FXR1: variants seen among roughly 807,000 people sequenced by gnomAD.
The protein encoded by FXR1 is RNA-binding protein FXR1.
A neutral mutation model predicts 84.0 loss-of-function variants in FXR1; 15 were observed. That is an observed-to-expected ratio of 0.18 (90% confidence interval 0.12 to 0.27). The LOEUF is 0.27. Ranked by LOEUF, FXR1 falls within the 10% of genes least tolerant of loss-of-function variation. FXR1 has a pLI of 1.00. For missense variants in FXR1, 480 were observed against 774.4 expected (o/e 0.62, Z 4.51); for synonymous variants, 245 against 250.7 (o/e 0.98, Z 0.21).
chr3:180,977,296 C>CA lies in FXR1; in HGVS notation c.*1005dup, dbSNP rs1714332480. 2 of 152,252 alleles carry CA rather than the reference C, an allele frequency of 1.3e-5. No homozygotes were observed. The highest frequency in any genetic ancestry group is 2.9e-5 in the Non-Finnish European group (2 of 67,936). The allele number at this position is 152,252 out of a possible 1,614,324, so 9.4% of individuals were successfully genotyped here. On this transcript the variant is annotated 3_prime_UTR_variant, in exon 17 of 17. Coordinates refer to ENST00000357559, the MANE Select transcript of FXR1 (RefSeq NM_005087.4). ...AAATAGCATTAAAATGTCAGTTGGC[C>CA]ATTTAATCATTTTGTAATGAATCAT...
chr3:180,946,254 A>G (rs9879060), intron 3 of FXR1, among the ~76,000 whole-genome samples: 36,342 of 152,154 alleles, frequency 0.24, 4,538 homozygotes, highest in African/African-American at 0.31. Context: ...TCACTGTTGT[A>G]TCCTCTAGGT....
rs1332514108 is a variant in FXR1 at position 180,982,185 on chromosome 3, A to G, written c.*5893A>G. 1.3e-5 allele frequency: 2 copies of G among 152,106 alleles called. No individual in the cohort carries two copies. Among genetic ancestry groups the G allele is most frequent in the South Asian group, 2.1e-4 (1 of 4,834 alleles). The allele number at this position is 152,106 out of a possible 1,614,324, so 9.4% of individuals were successfully genotyped here. A position where few individuals can be genotyped will look rare whatever the true frequency, so the allele number is the denominator to read the frequency against. On this transcript the variant is annotated 3_prime_UTR_variant, in exon 17 of 17. Coordinates refer to ENST00000357559, the MANE Select transcript of FXR1 (RefSeq NM_005087.4). ...TTTCCTCACATGTAAAATGTACATC[A>G]TAATAACTAGTCTACTGAGATAAGG...
intron 1 of FXR1, chr3:180,915,696 C>G (rs977047999): frequency 2.9e-6 from 2 of 699,252 alleles, no homozygotes; most frequent in Non-Finnish European, 2.6e-6. Flanking sequence ...CACATTTGGC[C>G]GTAAGTGTGA....
At chr3:180,950,999 G>C (rs1206653150) in intron 7 of FXR1, among the ~76,000 whole-genome samples, 1 of 151,888 alleles carries the variant, frequency 6.6e-6, no homozygotes, top group Non-Finnish European at 1.5e-5. Context: ...GATTGCTTTA[G>C]CCCAAAAGTT....
chr3:180,934,536 G>T (rs1437407404), intron 2 of FXR1, among the ~76,000 whole-genome samples: 1 of 152,072 alleles, frequency 6.6e-6, no homozygotes, highest in Admixed American at 6.6e-5. Context: ...CTTTTTCTAG[G>T]TTCTAATTAT....
intron 1 of FXR1, among the ~76,000 whole-genome samples, chr3:180,913,198 G>T (rs1717450151): frequency 6.6e-6 from 1 of 152,206 alleles, no homozygotes; most frequent in South Asian, 2.1e-4. Context: ...CCTTGGGGCG[G>T]GTGTATCGCG....
chr3:180,962,863 CTT>C lies in FXR1; in HGVS notation c.1078-15_1078-14del. 1 of 1,546,530 alleles carries C rather than the reference CTT, an allele frequency of 6.5e-7. No individual in the cohort carries two copies. The highest frequency in any genetic ancestry group is 8.9e-7 in the Non-Finnish European group (1 of 1,121,886). On this transcript the variant is annotated intron_variant, in intron 11 of 16. Transcript: ENST00000357559. Reference sequence around the variant, plus strand: ...AAAGTTATATATAAGAAGACTTACTCTTTTTTGTTTTGATTGTAGGAAGTAGA... The same window carrying C: ...AAAGTTATATATAAGAAGACTTACTCTTTTGTTTTGATTGTAGGAAGTAGA...
chr3:180,926,480 A>G (rs1298416525), intron 1 of FXR1, among the ~76,000 whole-genome samples: 21 of 35,010 alleles, frequency 6.0e-4, no homozygotes, highest in African/African-American at 2.3e-3. Flanking sequence ...ATTGTACTGT[A>G]TATATATATA....
intron 3 of FXR1, among the ~76,000 whole-genome samples, chr3:180,939,052 G>T (rs1044854678): frequency 2.0e-5 from 3 of 151,850 alleles, no homozygotes; most frequent in African/African-American, 7.3e-5. Flanking sequence ...GAGCCACAAT[G>T]CCCAGCTAAT....
chr3:180,923,406 C>T (rs1718804740), intron 1 of FXR1, among the ~76,000 whole-genome samples: 1 of 152,142 alleles, frequency 6.6e-6, no homozygotes, highest in South Asian at 2.1e-4. Context: ...ATCTTATTTT[C>T]CTTACATTAC....
intron 10 of FXR1, 98 bp from the exon 11 acceptor site, chr3:180,961,362 AAAAAAGGT>A: frequency 2.5e-6 from 1 of 405,874 alleles, no homozygotes; most frequent in South Asian, 3.9e-5. Flanking sequence ...AAAAAAAAAA[AAAAAAGGT>A]GTGTGTGTGT....
At position 180,963,009 on chromosome 3, in the gene FXR1, A is replaced by C. The variant is rs562825363; in HGVS notation, c.1136-19A>C. On this transcript the variant is annotated intron_variant, in intron 12 of 16. Coordinates refer to ENST00000357559, the MANE Select transcript of FXR1 (RefSeq NM_005087.4). ...GAAAGGATATGCCACTGATGAAAGT[A>C]CCGTCTCTTCTGTACAAGGTTCTAG... 1.2e-6 allele frequency: 2 copies of C among 1,607,896 alleles called. No homozygotes were observed. Among genetic ancestry groups the C allele is most frequent in the African/African-American group, 1.3e-5 (1 of 74,844 alleles).
At chr3:180,965,190 AT>A (rs1318309114) in intron 13 of FXR1, among the ~76,000 whole-genome samples, 1 of 151,766 alleles carries the variant, frequency 6.6e-6, no homozygotes, top group Non-Finnish European at 1.5e-5. Flanking sequence ...CTAATTTTGT[AT>A]TTTTAGTAGA....
intron 7 of FXR1, among the ~76,000 whole-genome samples, chr3:180,950,099 C>G (rs1249691860): frequency 6.6e-6 from 1 of 152,096 alleles, no homozygotes; most frequent in Non-Finnish European, 1.5e-5. Flanking sequence ...TCTGTCTTAT[C>G]CTAAGGTACT....
intron 1 of FXR1, among the ~76,000 whole-genome samples, 181 bp downstream of exon 1, chr3:180,912,917 C>G (rs73055749): frequency 0.024 from 3,608 of 152,170 alleles, 84 homozygotes; most frequent in African/African-American, 0.062. Context: ...GGGGCCGGGG[C>G]TCCGTTATGT....
In FXR1 at chr3:180,968,215, C is replaced by T. The variant is rs762872016; in HGVS notation, c.1363C>T (p.Arg455Cys). ...CAGAAGTGTTTCAGGGGGTCGAGGT[C>T]GTGGTGGACCACGTGGTGGCAAATC... ...RGRSVSGGRGRGGPRGGKSSI... is the reference protein window; with the variant it reads ...RGRSVSGGRGCGGPRGGKSSI... Residue 455 changes from arginine (R) to cysteine (C), a missense_variant, in exon 14 of 17, where the codon CGT becomes TGT. Arg to Cys is a radical substitution (Grantham distance 180). This residue lies in a region of FXR1 where 157 missense variants were observed against 227.8 expected (regional missense o/e 0.69). Transcript: ENST00000357559. The T allele has an allele frequency of 1.9e-6, 3 of 1,613,342 alleles. No individual in the cohort carries two copies. Among genetic ancestry groups the T allele is most frequent in the Non-Finnish European group, 2.5e-6 (3 of 1,179,300 alleles).
intron 11 of FXR1, among the ~76,000 whole-genome samples, chr3:180,962,625 C>T (rs927980240): frequency 1.3e-5 from 2 of 152,112 alleles, no homozygotes; most frequent in African/African-American, 2.4e-5. Flanking sequence ...TAAACATCCC[C>T]TTGATTGGGG....
At chr3:180,942,144 C>T (rs1228410653) in intron 3 of FXR1, among the ~76,000 whole-genome samples, 1 of 151,650 alleles carries the variant, frequency 6.6e-6, no homozygotes, top group Non-Finnish European at 1.5e-5. Flanking sequence ...TTTGGGAGGC[C>T]GAGGCGGGCA....
intron 1 of FXR1, among the ~76,000 whole-genome samples, chr3:180,930,582 G>A (rs1715519): frequency 1 from 151,740 of 152,300 alleles, 75,592 homozygotes; most frequent in Middle Eastern, 1. Flanking sequence ...CGTTAGTGGA[G>A]GTTGAAAATA....
Sources: allele counts gnomAD v4.1 joint callset (sites outside exome capture counted in the v4.1 genomes callset), GRCh38; gene constraint gnomAD v4.1.1; regional missense constraint gnomAD v4.1.1; transcripts MANE v1.5; gene names NCBI Gene and HGNC (gene_info 2026-07-23, HGNC 2026-07-21).